IGSF23: variants seen among roughly 807,000 people sequenced by gnomAD.
The protein encoded by IGSF23 is immunoglobulin superfamily, member 23.
A neutral mutation model predicts 17.8 loss-of-function variants in IGSF23; 14 were observed. The observed-to-expected ratio is 0.79, with a 90% CI of 0.52 to 1.23. The LOEUF is 1.23. Ranked by LOEUF, IGSF23 falls within the 50% of genes most tolerant of loss-of-function variation. IGSF23 has a pLI of 0.00. For missense variants in IGSF23, 214 were observed against 241.7 expected (o/e 0.89, Z 0.76); for synonymous variants, 85 against 92.5 (o/e 0.92, Z 0.46).
chr19:44,618,494 C>T (rs1034912054), intron 1 of IGSF23, among the ~76,000 whole-genome samples: 1 of 152,230 alleles, frequency 6.6e-6, no homozygotes, highest in African/African-American at 2.4e-5. Flanking sequence ...CCCACCAGGA[C>T]ACTTTGCATG....
chr19:44,634,757 C>T (rs1320828484), intron 3 of IGSF23, among the ~76,000 whole-genome samples: 1 of 150,410 alleles, frequency 6.6e-6, no homozygotes, highest in East Asian at 2.0e-4. Flanking sequence ...GCCAAAATAG[C>T]GCCACTGTAC....
At position 44,635,024 on chromosome 19, in the gene IGSF23, C is replaced by A. The variant is rs576254444; in HGVS notation, c.546-377C>A. Among the ~76,000 whole-genome samples the A allele has an allele frequency of 1.5e-3, 229 of 152,188 alleles. 2 individuals carry two copies. The highest frequency in any genetic ancestry group is 5.4e-3 in the African/African-American group (224 of 41,538). ...CTACAGACCGGGGGGGCTTAAACAA[C>A]AAAAATTTATTTTCTCACAGTCTGG... On this transcript the variant is annotated intron_variant, in intron 3 of 4. Coordinates refer to ENST00000402988, the MANE Select transcript of IGSF23 (RefSeq NM_001205280.2).
intron 1 of IGSF23, among the ~76,000 whole-genome samples, chr19:44,620,343 G>T (rs1453506067): frequency 3.5e-5 from 1 of 28,840 alleles, no homozygotes; most frequent in African/African-American, 1.1e-4. Context: ...GACTAATTTT[G>T]TGTGTGTGTG....
intron 1 of IGSF23, chr19:44,618,263 C>T: frequency 4.4e-6 from 2 of 459,070 alleles, no homozygotes; most frequent in African/African-American, 2.0e-5. Flanking sequence ...CCCCGAAGGG[C>T]CTCCCAGGAC....
chr19:44,620,341 TTGTGTGTGTGTGTGTGTGTGTGTGTG>T (rs373422531), intron 1 of IGSF23, among the ~76,000 whole-genome samples: 2 of 139,400 alleles, frequency 1.4e-5, no homozygotes, highest in South Asian at 4.8e-4. Flanking sequence ...ATGACTAATT[TTGTGTGTGTGTGTGTGTGTGTGTGTG>T]TGTGTGTGTG....
At position 44,627,133 on chromosome 19, in the gene IGSF23, CT is replaced by C. The variant is rs536931004; in HGVS notation, c.392-286del. Among the ~76,000 whole-genome samples the C allele has an allele frequency of 4.0e-3, 615 of 152,198 alleles. 3 individuals are homozygous for C. The highest frequency in any genetic ancestry group is 0.01 in the Middle Eastern group (3 of 294). On this transcript the variant is annotated intron_variant, in intron 2 of 4. Transcript: ENST00000402988. ...GGGCCTCGAAGGCTAAGGTGAGAAA[CT>C]GACTTCTGCCCCAGGGTGCTGGGAA... is the stretch of plus-strand genomic sequence containing the variant.
intron 3 of IGSF23, among the ~76,000 whole-genome samples, chr19:44,634,379 A>C (rs1212465993): frequency 6.6e-6 from 1 of 152,148 alleles, no homozygotes; most frequent in Non-Finnish European, 1.5e-5. Context: ...TTATTTCTAC[A>C]TTCTTTTTTA....
At chr19:44,625,046 G>A (rs1336386506) in intron 2 of IGSF23, among the ~76,000 whole-genome samples, 1 of 151,966 alleles carries the variant, frequency 6.6e-6, no homozygotes, top group African/African-American at 2.4e-5. Context: ...CAGCCTGAGT[G>A]ACAGAGGATG....
intron 1 of IGSF23, among the ~76,000 whole-genome samples, chr19:44,616,521 C>T (rs1599727855): frequency 6.6e-6 from 1 of 151,758 alleles, no homozygotes; most frequent in Admixed American, 6.6e-5. Context: ...CATGGTGAAA[C>T]CCTGTCTCTA....
chr19:44,625,453 G>A (rs1972624125), intron 2 of IGSF23, among the ~76,000 whole-genome samples: 1 of 152,066 alleles, frequency 6.6e-6, no homozygotes, highest in Non-Finnish European at 1.5e-5. Context: ...TTTGGGACCT[G>A]GTCAAAACTC....
At position 44,623,735 on chromosome 19, in the gene IGSF23, CCAGCTGCTAT is replaced by C; in HGVS notation, c.156_165del (p.Ala53GlyfsTer12). ...CCAACTAATGCCACTGAAGACATTC[CCAGCTGCTAT>C]CCGGGGAGTCATCCAGAGTGAGCTC... On this transcript the variant is annotated frameshift_variant, in exon 2 of 5. Transcript: ENST00000402988. LOFTEE classifies it high-confidence loss of function. 1 of 1,551,132 alleles carries C rather than the reference CCAGCTGCTAT, an allele frequency of 6.4e-7. No individual in the cohort carries two copies. Among genetic ancestry groups the C allele is most frequent in the Non-Finnish European group, 8.7e-7 (1 of 1,147,102 alleles).
At chr19:44,615,833 T>A (rs1257462212) in intron 1 of IGSF23, among the ~76,000 whole-genome samples, 1 of 141,756 alleles carries the variant, frequency 7.1e-6, no homozygotes, top group Admixed American at 8.0e-5. Context: ...GAAAAGGAGA[T>A]TGGAAAGTTT....
chr19:44,620,739 TAAAG>T (rs1473910771), intron 1 of IGSF23: 1 of 152,112 alleles, frequency 6.6e-6, no homozygotes, highest in Non-Finnish European at 1.5e-5. Flanking sequence ...GGGCCCTTTC[TAAAG>T]AGAGAGGTTG....
chr19:44,615,798 C>T (rs980568545), intron 1 of IGSF23, among the ~76,000 whole-genome samples: 6 of 148,836 alleles, frequency 4.0e-5, no homozygotes, highest in South Asian at 2.1e-4. Context: ...TCTCTCAGGG[C>T]GGAGGGCAGA....
chr19:44,616,695 C>CAA lies in IGSF23; in HGVS notation c.125+2940_125+2941dup, dbSNP rs71171272. Among the ~76,000 whole-genome samples the CAA allele has an allele frequency of 7.0e-4, 59 of 84,278 alleles. No homozygotes were observed. The South Asian group carries it at 7.3e-3, about 10-fold the overall frequency. 55.3% of individuals were successfully genotyped at this position (84,278 alleles called of 152,430 possible). ...CTGGCGACAGAGCGAGACTCCATCT[C>CAA]AAAAAAAAAAAAAAAAGAAGAAGGA... On this transcript the variant is annotated intron_variant, in intron 1 of 4. Transcript: ENST00000402988.
chr19:44,623,765 G>A lies in IGSF23; in HGVS notation c.184G>A (p.Glu62Lys). Residue 62 changes from glutamate (E) to lysine (K), a missense_variant, in exon 2 of 5, where the codon GAG becomes AAG. By Grantham distance (56) the Glu-to-Lys change is moderately conservative. Coordinates refer to ENST00000402988, the MANE Select transcript of IGSF23 (RefSeq NM_001205280.2). The stretch of plus-strand genomic sequence containing the variant: ...TGCTATCCGGGGAGTCATCCAGAGT[G>A]AGCTCAACTATTCTGTGATCCTGCA... ...PAAIRGVIQSELNYSVILQWV... is the reference protein window; with the variant it reads ...PAAIRGVIQSKLNYSVILQWV... 1 of 1,551,078 alleles carries A rather than the reference G, an allele frequency of 6.4e-7. No individual in the cohort carries two copies. Among genetic ancestry groups the A allele is most frequent in the Admixed American group, 2.0e-5 (1 of 51,004 alleles).
chr19:44,623,429 A>C (rs1467156716), intron 1 of IGSF23, among the ~76,000 whole-genome samples: 1 of 152,206 alleles, frequency 6.6e-6, no homozygotes, highest in African/African-American at 2.4e-5. Flanking sequence ...ATTCCCCAGC[A>C]CTTCCAGCCT....
chr19:44,632,032 TTAA>T (rs1418667909), intron 3 of IGSF23, among the ~76,000 whole-genome samples: 1 of 152,224 alleles, frequency 6.6e-6, no homozygotes, highest in African/African-American at 2.4e-5. Flanking sequence ...AGGGGACCAA[TTAA>T]TAATGATTCC....
At chr19:44,624,029 G>T in intron 2 of IGSF23, 57 bp downstream of exon 2, 2 of 1,327,132 alleles carry the variant, frequency 1.5e-6, no homozygotes, top group South Asian at 2.8e-5. Flanking sequence ...ACCCTCTCCA[G>T]CCTGTGGCAG....
Sources: allele counts gnomAD v4.1 joint callset (sites outside exome capture counted in the v4.1 genomes callset), GRCh38; gene constraint gnomAD v4.1.1; transcripts MANE v1.5; gene names NCBI Gene and HGNC (gene_info 2026-07-23, HGNC 2026-07-21).